TRPC6: variants seen among roughly 807,000 people sequenced by gnomAD.
TRPC6 encodes short transient receptor potential channel 6.
TRPC6 carries 55 observed loss-of-function variants against 90.7 expected under a neutral mutation model. That is an observed-to-expected ratio of 0.61 (90% CI 0.49 to 0.76). TRPC6 has a LOEUF of 0.76. Among genes scored for constraint, TRPC6 ranks in the 30% least tolerant of loss-of-function variants. TRPC6 has a pLI of 0.00. For missense variants in TRPC6, 989 were observed against 1,122.7 expected, an observed-to-expected ratio of 0.88 and a Z score of 1.70; for synonymous variants, 393 against 393.0, an observed-to-expected ratio of 1.00 and a Z score of 0.00.
chr11:101,495,622 A>ATT (rs1481756824), intron 2 of TRPC6, among the ~76,000 whole-genome samples: 3 of 146,842 alleles, frequency 2.0e-5, no homozygotes, highest in Non-Finnish European at 4.5e-5. Flanking sequence ...TATTATTATT[A>ATT]TTATTATTAT....
chr11:101,489,635 T>C (rs1461918018), intron 3 of TRPC6, among the ~76,000 whole-genome samples: 1 of 123,508 alleles, frequency 8.1e-6, no homozygotes, highest in Admixed American at 7.2e-5. Context: ...TAATTTTCAA[T>C]ATTTTTTTTT....
At chr11:101,526,780 C>T (rs1330143311) in intron 1 of TRPC6, among the ~76,000 whole-genome samples, 3 of 142,504 alleles carry the variant, frequency 2.1e-5, no homozygotes, top group Non-Finnish European at 3.0e-5. Flanking sequence ...AGGAGAATCT[C>T]GTCAACCCGG....
chr11:101,515,989 G>A lies in TRPC6; in HGVS notation c.171-11191C>T, dbSNP rs572975752. On this transcript the variant is annotated intron_variant, in intron 1 of 12. Coordinates refer to ENST00000344327, the MANE Select transcript of TRPC6 (RefSeq NM_004621.6). ...ATTTTCACGGCATTTGGTGAGGTTG[G>A]CTTTGTTATTTCACTACATGAGGAA... Among the ~76,000 whole-genome samples the A allele has an allele frequency of 1.3e-3, 194 of 151,920 alleles. 1 individual carries two copies. The highest frequency in any genetic ancestry group is 3.1e-4 in the Non-Finnish European group (21 of 67,978).
chr11:101,503,152 C>G (rs769443496), intron 2 of TRPC6, among the ~76,000 whole-genome samples: 5 of 152,104 alleles, frequency 3.3e-5, no homozygotes, highest in African/African-American at 1.2e-4. Context: ...TTTAGAGATA[C>G]CTGTGGGGAA....
chr11:101,469,341 A>G (rs1325469301), intron 10 of TRPC6, 86 bp downstream of exon 10: 5 of 701,698 alleles, frequency 7.1e-6, no homozygotes, highest in Non-Finnish European at 1.3e-5. Context: ...TCTACTTGCT[A>G]AAATTGCTTC....
chr11:101,511,296 A>G (rs892009535), intron 1 of TRPC6, among the ~76,000 whole-genome samples: 8 of 152,154 alleles, frequency 5.3e-5, no homozygotes, highest in African/African-American at 1.4e-4. Flanking sequence ...GGGGTTGAGG[A>G]AGCAATAAAC....
rs58766729 is a variant in TRPC6, at chr11:101,573,921, CGTGT to C, written c.170+9409_170+9412del. On this transcript the variant is annotated intron_variant, in intron 1 of 12. Coordinates refer to ENST00000344327, the MANE Select transcript of TRPC6 (RefSeq NM_004621.6). The stretch of plus-strand genomic sequence containing the variant: ...TCCTTTCAAGCCTAAGAAACAAATA[CGTGT>C]GTGTGTGTGTGTGTGTGTGTGTGTG... Among the ~76,000 whole-genome samples the C allele has an allele frequency of 2.6e-3, 338 of 132,054 alleles. 7 individuals are homozygous for C. The highest frequency in any genetic ancestry group is 5.6e-3 in the Admixed American group (75 of 13,320). The allele number at this position is 132,054 out of a possible 152,430, so 86.6% of individuals were successfully genotyped here. A position where few individuals can be genotyped will look rare whatever the true frequency, so the allele number is the denominator to read the frequency against.
At chr11:101,552,999 T>C (rs553331531) in intron 1 of TRPC6, among the ~76,000 whole-genome samples, 1 of 152,258 alleles carries the variant, frequency 6.6e-6, no homozygotes, top group East Asian at 1.9e-4. Context: ...GGTATTTGGC[T>C]AATGTGAAAA....
chr11:101,571,216 T>A (rs1861956627), intron 1 of TRPC6, among the ~76,000 whole-genome samples: 1 of 152,114 alleles, frequency 6.6e-6, no homozygotes, highest in Non-Finnish European at 1.5e-5. Context: ...AGCATTCCTA[T>A]ACACCAATAA....
At chr11:101,568,387 T>C (rs1382024975) in intron 1 of TRPC6, among the ~76,000 whole-genome samples, 1 of 152,160 alleles carries the variant, frequency 6.6e-6, no homozygotes, top group Non-Finnish European at 1.5e-5. Flanking sequence ...CTATGTTTGA[T>C]TGGTGTACCT....
intron 7 of TRPC6, 95 bp downstream of exon 7, chr11:101,473,414 A>G (rs1859338759): frequency 6.3e-6 from 9 of 1,436,772 alleles, no homozygotes; most frequent in Admixed American, 1.9e-5. Context: ...TGAAGTCTTT[A>G]CCAAAACATT....
intron 5 of TRPC6, among the ~76,000 whole-genome samples, chr11:101,476,879 G>A (rs1859430399): frequency 6.6e-6 from 1 of 152,072 alleles, no homozygotes; most frequent in Admixed American, 6.6e-5. Context: ...GAAGTAAAAT[G>A]GAAGTGGGAC....
chr11:101,494,665 A>G (rs1859902898), intron 2 of TRPC6, among the ~76,000 whole-genome samples: 1 of 152,232 alleles, frequency 6.6e-6, no homozygotes, highest in Non-Finnish European at 1.5e-5. Flanking sequence ...TTGAAAAGAA[A>G]GTATGATCTT....
intron 1 of TRPC6, among the ~76,000 whole-genome samples, chr11:101,543,552 A>G (rs1861224716): frequency 6.6e-6 from 1 of 152,148 alleles, no homozygotes; most frequent in East Asian, 1.9e-4. Flanking sequence ...CCAATGGAAC[A>G]GATCAGAAAT....
At chr11:101,582,450 G>A (rs1862218414) in intron 1 of TRPC6, among the ~76,000 whole-genome samples, 1 of 152,152 alleles carries the variant, frequency 6.6e-6, no homozygotes, top group Admixed American at 6.5e-5. Context: ...CAATGGGACA[G>A]AAATGCTATC....
In TRPC6 at chr11:101,504,655, G is replaced by A. The variant is rs1454614458; in HGVS notation, c.314C>T (p.Ala105Val). 1 of 1,606,036 alleles carries A rather than the reference G, an allele frequency of 6.2e-7. No homozygotes were observed. The highest frequency in any genetic ancestry group is 2.2e-5 in the East Asian group (1 of 44,792). Residue 105 changes from alanine to valine, a missense_variant, in exon 2 of 13, where the codon GCA (alanine) becomes GTA (valine). Physicochemically the swap from Ala to Val is moderately conservative, Grantham distance 64. Coordinates refer to ENST00000344327, the MANE Select transcript of TRPC6 (RefSeq NM_004621.6). ...LSIEEERFLDAAEYGNIPVVR... is the reference protein window; with the variant it reads ...LSIEEERFLDVAEYGNIPVVR... Reference sequence around the variant, plus strand: ...CACTGGGATGTTACCATATTCAGCTGCATCCAAAAAGCGTTCCTCCTCTAT... The same window carrying A: ...CACTGGGATGTTACCATATTCAGCTACATCCAAAAAGCGTTCCTCCTCTAT...
At chr11:101,466,358 G>GT (rs1313295565) in intron 10 of TRPC6, among the ~76,000 whole-genome samples, 1 of 152,212 alleles carries the variant, frequency 6.6e-6, no homozygotes, top group Non-Finnish European at 1.5e-5. Context: ...GGTTTTATCT[G>GT]TAAGTCCCTG....
chr11:101,478,010 A>C (rs1859454213), intron 5 of TRPC6, among the ~76,000 whole-genome samples: 1 of 152,220 alleles, frequency 6.6e-6, no homozygotes, highest in Non-Finnish European at 1.5e-5. Flanking sequence ...ACTTGCCTCC[A>C]TCAAGAAGTC....
At position 101,453,635 on chromosome 11, in the gene TRPC6, C is replaced by T; in HGVS notation, c.2644+15G>A. 6.2e-7 allele frequency: 1 copy of T among 1,613,624 alleles called. No individual in the cohort carries two copies. Among genetic ancestry groups the T allele is most frequent in the Non-Finnish European group, 8.5e-7 (1 of 1,179,618 alleles). ...CTCACATTCAGGGGCTGATTTGCTTCTGCGTTCAACTCACCTTCGTTCACT... is the reference window on the plus strand; with the variant it reads ...CTCACATTCAGGGGCTGATTTGCTTTTGCGTTCAACTCACCTTCGTTCACT... On this transcript the variant is annotated intron_variant, in intron 12 of 12. Coordinates refer to ENST00000344327, the MANE Select transcript of TRPC6 (RefSeq NM_004621.6).
Sources: allele counts gnomAD v4.1 joint callset (sites outside exome capture counted in the v4.1 genomes callset), GRCh38; gene constraint gnomAD v4.1.1; transcripts MANE v1.5; gene names NCBI Gene and HGNC (gene_info 2026-07-23, HGNC 2026-07-21).